Variants in SI observed in about 807,000 individuals in gnomAD.
SI encodes the protein sucrase-isomaltase, intestinal.
A neutral mutation model predicts 253.3 loss-of-function variants in SI; 235 were observed. The ratio of observed to expected loss-of-function variants is 0.93; its 90% CI spans 0.83 to 1.03. The LOEUF (loss-of-function observed/expected upper bound fraction) is 1.03, where lower values mean the gene tolerates loss of function less well. Among genes scored for constraint, SI ranks in the 50% least tolerant of loss-of-function variants. The pLI is 0.00. For missense variants in SI, 2,442 were observed against 2,211.1 expected (o/e 1.10, Z -2.09); for synonymous variants, 819 against 712.0 (o/e 1.15, Z -2.39).
chr3:165,013,104 G>A, intron 33 of SI, 62 bp from the exon 34 acceptor site: 1 of 1,006,058 alleles, frequency 9.9e-7, no homozygotes, highest in Non-Finnish European at 1.6e-6. Flanking sequence ...TGATTGCTAT[G>A]TAGATGAAGT....
At chr3:165,009,751 A>C (rs1005903198) in intron 34 of SI, among the ~76,000 whole-genome samples, 16 of 152,182 alleles carry the variant, frequency 1.1e-4, no homozygotes, top group African/African-American at 3.9e-4. Flanking sequence ...ACAATGAAAC[A>C]GCAAAGGGCC....
rs1717266764 is a variant in SI, at chr3:164,983,006, T to A, written c.5243A>T (p.Asn1748Ile). The stretch of plus-strand genomic sequence containing the variant: ...CATATAAATAATCTTACATACCTGG[T>A]TTAAATTAAATTGTACAGATAAATA... Reference protein sequence around the residue: ...DLYLSVQFNLNQTTLTSTILK... With the variant: ...DLYLSVQFNLIQTTLTSTILK... The change falls in exon 46 of 48, where the codon AAC (asparagine) becomes ATC (isoleucine). Residue 1748 changes from asparagine (N) to isoleucine (I), a missense_variant. Coordinates refer to ENST00000264382, the MANE Select transcript of SI (RefSeq NM_001041.4). The A allele has an allele frequency of 6.4e-7, 1 of 1,550,914 alleles. No individual in the cohort carries two copies. Among genetic ancestry groups the A allele is most frequent in the Admixed American group, 1.7e-5 (1 of 57,962 alleles).
chr3:165,081,247 T>C (rs1373940192), upstream of SI, among the ~76,000 whole-genome samples: 1 of 151,990 alleles, frequency 6.6e-6, no homozygotes, highest in East Asian at 1.9e-4. Flanking sequence ...TTTCAATTAT[T>C]AATATAAAGT....
intron 25 of SI, 101 bp downstream of exon 25, chr3:165,030,611 T>A: frequency 1.6e-6 from 2 of 1,223,446 alleles, no homozygotes; most frequent in South Asian, 2.6e-5. Flanking sequence ...CTACTTGAAT[T>A]TAGTTTATAT....
chr3:165,047,013 C>G lies in SI; in HGVS notation c.1716-1G>C, dbSNP rs746602450. 5 of 1,589,280 alleles carry G rather than the reference C, an allele frequency of 3.1e-6. No homozygotes were observed. The African/African-American group carries it at 5.4e-5, about 17-fold the overall frequency. On this transcript the variant is annotated splice_acceptor_variant, in intron 15 of 47. Transcript: ENST00000264382. LOFTEE classifies it high-confidence loss of function. ...ATTAGGAAAAACTTTTTGTACAGCTCTAAAAATAAAACCAAATTAACAAAT... is the reference window on the plus strand; with the variant it reads ...ATTAGGAAAAACTTTTTGTACAGCTGTAAAAATAAAACCAAATTAACAAAT...
chr3:165,020,740 A>G (rs1412110755), intron 27 of SI, among the ~76,000 whole-genome samples: 1 of 151,532 alleles, frequency 6.6e-6, no homozygotes, highest in Admixed American at 6.6e-5. Flanking sequence ...TAAAGACTAC[A>G]ATTTTAAAAT....
the SI span, among the ~76,000 whole-genome samples, chr3:165,086,608 C>A: frequency 6.6e-5 from 10 of 152,174 alleles, no homozygotes; most frequent in African/African-American, 2.4e-4. Context: ...AAGGCTACCA[C>A]ATTTATAAGA....
chr3:165,076,974 G>GTTTT (rs1234651334), intron 1 of SI, among the ~76,000 whole-genome samples: 1 of 137,022 alleles, frequency 7.3e-6, no homozygotes. Flanking sequence ...TAAAATCACG[G>GTTTT]TTTGTTTTTT....
intron 47 of SI, 112 bp downstream of exon 47, chr3:164,982,131 G>A: frequency 1.3e-6 from 1 of 757,446 alleles, no homozygotes; most frequent in South Asian, 1.8e-5. Context: ...AATATATGAA[G>A]AATGTCATAA....
intron 25 of SI, among the ~76,000 whole-genome samples, chr3:165,027,230 T>G (rs1711976015): frequency 6.6e-6 from 1 of 151,112 alleles, no homozygotes; most frequent in Non-Finnish European, 1.5e-5. Flanking sequence ...ATGGATAAAT[T>G]CCTGGAATGA....
chr3:165,017,596 T>C lies in SI; in HGVS notation c.3711A>G (p.Ser1237=), dbSNP rs148482658. ...QLCRYGYANT[S]EVRELYDAMV... is the part of the protein sequence containing the mutation. ...TAGCGTCATATAATTCCCGAACCTCTGAAGTATTTGCATATCCATAACGAC... is the reference window on the plus strand; with the variant it reads ...TAGCGTCATATAATTCCCGAACCTCCGAAGTATTTGCATATCCATAACGAC... The change falls in exon 31 of 48, where the codon TCA becomes TCG. Residue 1237 remains serine (S), a synonymous_variant. Transcript: ENST00000264382. 1.9e-6 allele frequency: 3 copies of C among 1,612,760 alleles called. No individual in the cohort carries two copies. The highest frequency in any genetic ancestry group is 8.5e-7 in the Non-Finnish European group (1 of 1,179,020).
intron 34 of SI, among the ~76,000 whole-genome samples, chr3:165,010,356 T>TC (rs1367877239): frequency 6.6e-6 from 1 of 152,078 alleles, no homozygotes; most frequent in African/African-American, 2.4e-5. Flanking sequence ...AGACGGGGTT[T>TC]CACCATGTTG....
In SI at chr3:165,059,190, C is replaced by T. The variant is rs756748359; in HGVS notation, c.1256G>A (p.Gly419Glu). ...TACCAAGATGATGACATATTTCTGT[C>T]CATGGTCATGCAAATCTTGCACAAA... ...PQFVQDLHDH[G>E]QKYVIILDPA... Residue 419 changes from glycine (G) to glutamate (E), a missense_variant, in exon 11 of 48, where the codon GGA becomes GAA. Coordinates refer to ENST00000264382, the MANE Select transcript of SI (RefSeq NM_001041.4). 1.9e-6 allele frequency: 3 copies of T among 1,612,666 alleles called. No homozygotes were observed. The highest frequency in any genetic ancestry group is 1.7e-5 in the Admixed American group (1 of 59,760).
In SI at chr3:165,049,152, A is replaced by T. The variant is rs749747592; in HGVS notation, c.1690T>A (p.Tyr564Asn). 2 of 1,601,262 alleles carry T rather than the reference A, an allele frequency of 1.2e-6. No individual in the cohort carries two copies. The highest frequency in any genetic ancestry group is 1.7e-6 in the Non-Finnish European group (2 of 1,168,532). The stretch of plus-strand genomic sequence containing the variant: ...TGCTCTGTGGCTATAGCCATGCTGT[A>T]TCCATAGAGGCTATGAACATCATAC... ...KQYDVHSLYG[Y>N]SMAIATEQAV... Residue 564 changes from tyrosine (Y) to asparagine (N), a missense_variant, in exon 15 of 48, where the codon TAC becomes AAC. Coordinates refer to ENST00000264382, the MANE Select transcript of SI (RefSeq NM_001041.4).
intron 40 of SI, among the ~76,000 whole-genome samples, chr3:164,995,111 C>T (rs1717949506): frequency 6.6e-6 from 1 of 151,752 alleles, no homozygotes; most frequent in East Asian, 1.9e-4. Flanking sequence ...CATCACAAAG[C>T]TCGAGGTAAC....
rs1299380975 is a variant in SI at position 165,041,004 on chromosome 3, G to A, written c.2095C>T (p.Leu699Phe). The A allele has an allele frequency of 3.1e-6, 5 of 1,612,462 alleles. No individual in the cohort carries two copies. Among genetic ancestry groups the A allele is most frequent in the Non-Finnish European group, 3.4e-6 (4 of 1,178,896 alleles). Reference sequence around the variant, plus strand: ...TGGGCTTTATAAAACAGAGTGTAGAGGAAGGGTAATAAGGTGTAGCGAATA... The same window carrying A: ...TGGGCTTTATAAAACAGAGTGTAGAAGAAGGGTAATAAGGTGTAGCGAATA... ...LTIRYTLLPF[L>F]YTLFYKAHVF... Residue 699 changes from leucine (L) to phenylalanine (F), a missense_variant, in exon 18 of 48, where the codon CTC becomes TTC. Physicochemically the swap from Leu to Phe is conservative, Grantham distance 22 (BLOSUM62 0). Transcript: ENST00000264382.
chr3:164,998,616 AG>A lies in SI; in HGVS notation c.4463del (p.Pro1488LeufsTer28). ...RGIVISRSTY[P>X]TSGRWGGHWL... ...AGTGTCCTCCCCATCGTCCACTAGT[AG>A]GATACGTGGAACGAGAAATTACAAT... is the stretch of plus-strand genomic sequence containing the variant. On this transcript the variant is annotated frameshift_variant, in exon 38 of 48. Transcript: ENST00000264382. LOFTEE classifies it high-confidence loss of function. 6.2e-7 allele frequency: 1 copy of A among 1,610,294 alleles called. No individual in the cohort carries two copies. The highest frequency in any genetic ancestry group is 8.5e-7 in the Non-Finnish European group (1 of 1,176,948).
chr3:164,979,374 G>A lies in SI; in HGVS notation c.5472C>T (p.Ile1824=). 6.3e-7 allele frequency: 1 copy of A among 1,586,534 alleles called. No individual in the cohort carries two copies. The highest frequency in any genetic ancestry group is 1.1e-5 in the South Asian group (1 of 90,522). The change falls in exon 48 of 48, where the codon ATC becomes ATT. Residue 1824 remains isoleucine, a synonymous_variant. Transcript: ENST00000264382. ...HNVTLEEPIE[I]NWS ...TTGATGGTGATCTTCATGACCAGTT[G>A]ATTTCTATTGGTTCTTCTAGAGTAA...
intron 9 of SI, among the ~76,000 whole-genome samples, chr3:165,061,830 T>A (rs1457213200): frequency 1.3e-5 from 2 of 151,976 alleles, no homozygotes; most frequent in Non-Finnish European, 2.9e-5. Context: ...AAATAAGAGT[T>A]GCTTAGATAG....
Sources: gnomAD v4.1 joint callset for allele counts (sites outside exome capture counted in the v4.1 genomes callset) on GRCh38, gnomAD v4.1.1 for gene constraint, MANE v1.5 for transcripts, NCBI Gene and HGNC (gene_info 2026-07-23, HGNC 2026-07-21) for gene names.